Variants in SPECC1L observed in about 807,000 individuals in gnomAD.
SPECC1L encodes sperm antigen with calponin homology and coiled-coil domains 1 like.
A neutral mutation model predicts 116.8 loss-of-function variants in SPECC1L; 40 were observed. The ratio of observed to expected loss-of-function variants is 0.34; its 90% confidence interval spans 0.27 to 0.45. The LOEUF (loss-of-function observed/expected upper bound fraction) is 0.45, where lower values mean the gene tolerates loss of function less well. Ranked by LOEUF, SPECC1L falls within the 20% of genes least tolerant of loss-of-function variation. The probability of loss-of-function intolerance (pLI) is 1.00; values close to 1 mark genes in which losing one functional copy is unlikely to be tolerated. For synonymous variants in SPECC1L, 504 were observed against 500.6 expected, an observed-to-expected ratio of 1.01 and a Z score of -0.09; for missense variants, 1,110 against 1,373.6, an observed-to-expected ratio of 0.81 and a Z score of 3.03.
At chr22:24,276,393 A>G (rs1291491915) in intron 1 of SPECC1L, among the ~76,000 whole-genome samples, 1 of 152,116 alleles carries the variant, frequency 6.6e-6, no homozygotes, top group African/African-American at 2.4e-5. Flanking sequence ...GGATCACACC[A>G]CTGTTCTCCA....
chr22:24,296,246 T>C (rs970611726), intron 2 of SPECC1L, among the ~76,000 whole-genome samples: 1 of 152,220 alleles, frequency 6.6e-6, no homozygotes, highest in African/African-American at 2.4e-5. Context: ...CATACCCACC[T>C]GGGATCATGT....
At chr22:24,341,707 G>A (rs1169410639) in intron 10 of SPECC1L, among the ~76,000 whole-genome samples, 1 of 152,216 alleles carries the variant, frequency 6.6e-6, no homozygotes, top group African/African-American at 2.4e-5. Context: ...ATATGGCAAA[G>A]CAAAAGAAGT....
Position 24,417,571 on chromosome 22 carries a change from C to A in SPECC1L, c.*2948C>A, listed in dbSNP as rs1432485717. 1 of 152,424 alleles carries A rather than the reference C, an allele frequency of 6.6e-6. No individual in the cohort carries two copies. Among genetic ancestry groups the A allele is most frequent in the East Asian group, 1.9e-4 (1 of 5,182 alleles). The allele number at this position is 152,424 out of a possible 1,614,324, so 9.4% of individuals were successfully genotyped here. A position where few individuals can be genotyped will look rare whatever the true frequency, so the allele number is the denominator to read the frequency against. On this transcript the variant is annotated 3_prime_UTR_variant, in exon 17 of 17. Transcript: ENST00000314328. ...ACCCCCAGGAGAGCGGAAGCCCCTA[C>A]ACAGCCCAGACACATGCCTTCCCTG...
At chr22:24,323,945 A>C (rs1188151489) in intron 5 of SPECC1L, among the ~76,000 whole-genome samples, 1 of 152,252 alleles carries the variant, frequency 6.6e-6, no homozygotes, top group Non-Finnish European at 1.5e-5. Context: ...GGAGAAACGA[A>C]AATTTCCAAA....
At chr22:24,331,264 T>G (rs1452999486) in intron 8 of SPECC1L, among the ~76,000 whole-genome samples, 1 of 152,194 alleles carries the variant, frequency 6.6e-6, no homozygotes, top group Non-Finnish European at 1.5e-5. Context: ...AGGAAGAAAT[T>G]TAGAAAACTA....
chr22:24,304,314 A>T (rs2049445927), intron 3 of SPECC1L: 1 of 152,232 alleles, frequency 6.6e-6, no homozygotes, highest in African/African-American at 2.4e-5. Flanking sequence ...GATACAGGAT[A>T]TGCATTTCTT....
intron 8 of SPECC1L, among the ~76,000 whole-genome samples, chr22:24,333,454 A>G (rs1041626119): frequency 6.6e-6 from 1 of 152,136 alleles, no homozygotes; most frequent in African/African-American, 2.4e-5. Context: ...CAGCGTAGTG[A>G]ATTTAGAATG....
chr22:24,322,883 AATGATGCCAATCGATTAC>A lies in SPECC1L; in HGVS notation c.1905_1922del (p.Asn635_Gln641delinsLys). 1 of 1,613,880 alleles carries A rather than the reference AATGATGCCAATCGATTAC, an allele frequency of 6.2e-7. No individual in the cohort carries two copies. Among genetic ancestry groups the A allele is most frequent in the South Asian group, 1.1e-5 (1 of 91,046 alleles). On this transcript the variant is annotated inframe_deletion, in exon 5 of 17. Transcript: ENST00000314328. ...GCAGGAAGATCTGGCTCATACCCGA[AATGATGCCAATCGATTAC>A]AGGATGCCATTGCTAAGGTATTGTT...
At chr22:24,290,983 T>C (rs2049145883) in intron 2 of SPECC1L, among the ~76,000 whole-genome samples, 1 of 152,246 alleles carries the variant, frequency 6.6e-6, no homozygotes, top group East Asian at 1.9e-4. Flanking sequence ...ATTCACTTTC[T>C]GACTCTGAAG....
chr22:24,371,497 C>A (rs1759999074), intron 14 of SPECC1L, among the ~76,000 whole-genome samples: 1 of 152,142 alleles, frequency 6.6e-6, no homozygotes, highest in Non-Finnish European at 1.5e-5. Context: ...TTTAAATTTT[C>A]TTCATTTTTT....
At position 24,411,629 on chromosome 22, in the gene SPECC1L, G is replaced by A; in HGVS notation, c.3129G>A (p.Gly1043=). 6.2e-7 allele frequency: 1 copy of A among 1,614,148 alleles called. No homozygotes were observed. Among genetic ancestry groups the A allele is most frequent in the Non-Finnish European group, 8.5e-7 (1 of 1,180,040 alleles). ...ACTTCAGCAGCAGCTGGAATGATGG[G>A]CTGGCCTTCTGTGCCCTCCTGCATA... ...ITNFSSSWND[G]LAFCALLHTY... The change falls in exon 15 of 17, where the codon GGG becomes GGA. Residue 1043 remains glycine, a synonymous_variant. Transcript: ENST00000314328.
intron 13 of SPECC1L, among the ~76,000 whole-genome samples, chr22:24,366,819 C>T (rs1164321017): frequency 6.6e-6 from 1 of 152,016 alleles, no homozygotes; most frequent in Non-Finnish European, 1.5e-5. Context: ...GTATTAAGAA[C>T]TTGGGGGAAA....
At chr22:24,338,660 AT>A (rs2041111225) in intron 10 of SPECC1L, among the ~76,000 whole-genome samples, 183 bp downstream of exon 10, 1 of 152,198 alleles carries the variant, frequency 6.6e-6, no homozygotes, top group African/African-American at 2.4e-5. Context: ...ATAAGTGTAA[AT>A]TGTGTTATTC....
intron 2 of SPECC1L, among the ~76,000 whole-genome samples, chr22:24,299,227 G>T (rs1471851311): frequency 3.3e-5 from 5 of 152,148 alleles, no homozygotes; most frequent in Non-Finnish European, 5.9e-5. Flanking sequence ...TATGTAATAA[G>T]TTATTTCTGA....
At chr22:24,366,211 TTG>T (rs886148367) in intron 13 of SPECC1L, among the ~76,000 whole-genome samples, 13 of 152,096 alleles carry the variant, frequency 8.5e-5, no homozygotes, top group African/African-American at 3.1e-4. Flanking sequence ...TTTTTTTTTT[TTG>T]AGATGGAGCC....
chr22:24,325,431 G>T (rs867427132), intron 6 of SPECC1L, among the ~76,000 whole-genome samples: 1 of 152,266 alleles, frequency 6.6e-6, no homozygotes. Context: ...ACGTAGTCAT[G>T]ACTGTAGAGA....
chr22:24,415,076 G>GGA lies in SPECC1L; in HGVS notation c.*457_*458dup. 4.4e-6 allele frequency: 1 copy of GGA among 229,762 alleles called. No individual in the cohort carries two copies. 14.2% of individuals were successfully genotyped at this position (229,762 alleles called of 1,614,324 possible). ...TTCCGGTGCTGGTGAGAACCCAGAA[G>GGA]GAGAGTCAGCGCCTGGCAGTTCCCA... On this transcript the variant is annotated 3_prime_UTR_variant, in exon 17 of 17. Transcript: ENST00000314328.
chr22:24,317,267 C>T (rs2040600633), intron 4 of SPECC1L, among the ~76,000 whole-genome samples: 2 of 92,286 alleles, frequency 2.2e-5, no homozygotes, highest in Non-Finnish European at 4.9e-5. Flanking sequence ...GGGGGCTGAC[C>T]CCCCCCACCT....
intron 2 of SPECC1L, among the ~76,000 whole-genome samples, chr22:24,279,580 A>ATTATTAT (rs980604900): frequency 2.7e-5 from 4 of 150,264 alleles, no homozygotes; most frequent in African/African-American, 7.3e-5. Context: ...AATTATTATT[A>ATTATTAT]TTATTATTTA....
Sources: gnomAD v4.1 joint callset for allele counts (sites outside exome capture counted in the v4.1 genomes callset) on GRCh38, gnomAD v4.1.1 for gene constraint, MANE v1.5 for transcripts, NCBI Gene and HGNC (gene_info 2026-07-23, HGNC 2026-07-21) for gene names.